The following SORCS1 variants were observed in gnomAD, a reference collection of about 807,000 sequenced individuals.
The protein encoded by SORCS1 is sortilin related VPS10 domain containing receptor 1.
SORCS1 carries 60 observed loss-of-function variants against 146.1 expected under a neutral mutation model. The ratio of observed to expected loss-of-function variants is 0.41; its 90% CI spans 0.33 to 0.51. SORCS1 has a LOEUF of 0.51. Ranked by LOEUF, SORCS1 falls within the 20% of genes least tolerant of loss-of-function variation. SORCS1 has a pLI of 0.21. For synonymous variants in SORCS1, 637 were observed against 584.0 expected (o/e 1.09, Z -1.31); for missense variants, 1,352 against 1,487.6 (o/e 0.91, Z 1.50).
intron 2 of SORCS1, among the ~76,000 whole-genome samples, chr10:106,924,461 TTATCGATC>T (rs201926445): frequency 0.099 from 12,427 of 125,616 alleles, 563 homozygotes; most frequent in East Asian, 0.16. Flanking sequence ...AATTCCACAG[TTATCGATC>T]TATCTATCTA....
chr10:106,790,859 T>C (rs899599219), intron 3 of SORCS1, among the ~76,000 whole-genome samples: 6 of 152,224 alleles, frequency 3.9e-5, no homozygotes, highest in Non-Finnish European at 8.8e-5. Flanking sequence ...TTAGTCATAT[T>C]ATTTGCTTTA....
chr10:106,842,163 C>G (rs991110397), intron 2 of SORCS1, among the ~76,000 whole-genome samples: 1 of 152,120 alleles, frequency 6.6e-6, no homozygotes, highest in African/African-American at 2.4e-5. Context: ...TTGTAATTCC[C>G]TAAAGACATA....
At chr10:106,971,017 T>A (rs1955759818) in intron 1 of SORCS1, among the ~76,000 whole-genome samples, 1 of 151,420 alleles carries the variant, frequency 6.6e-6, no homozygotes, top group Non-Finnish European at 1.5e-5. Flanking sequence ...TCCAAAGTGC[T>A]GGGATTACAG....
At chr10:107,083,145 T>C (rs1027295095) in intron 1 of SORCS1, among the ~76,000 whole-genome samples, 3 of 151,028 alleles carry the variant, frequency 2.0e-5, no homozygotes, top group Admixed American at 2.0e-4. Context: ...AGTCAACTGC[T>C]TGAATACAGT....
Position 106,677,386 on chromosome 10 carries a change from T to C in SORCS1, c.1759A>G (p.Ser587Gly), listed in dbSNP as rs1852110490. The change falls in exon 13 of 26, where the codon AGT becomes GGT. Residue 587 changes from serine (S) to glycine (G), a missense_variant. Ser to Gly is a moderately conservative substitution (Grantham distance 56, BLOSUM62 0). Around this residue, in one of 3 missense-constraint regions of SORCS1, gnomAD observed 648 missense variants for 793.8 expected, o/e 0.82. Transcript: ENST00000263054. ...TWRQIFEEEH[S>G]VLYLDQGGVL... Reference sequence around the variant, plus strand: ...CCACCTTGATCCAGGTACAAAACACTGTGCTCTTCTTCAAAGATCTGGATG... The same window carrying C: ...CCACCTTGATCCAGGTACAAAACACCGTGCTCTTCTTCAAAGATCTGGATG... 1 of 1,613,956 alleles carries C rather than the reference T, an allele frequency of 6.2e-7. No individual in the cohort carries two copies. The highest frequency in any genetic ancestry group is 8.5e-7 in the Non-Finnish European group (1 of 1,179,860).
intron 3 of SORCS1, among the ~76,000 whole-genome samples, chr10:106,812,437 T>C (rs571399557): frequency 6.6e-6 from 1 of 152,362 alleles, no homozygotes; most frequent in South Asian, 2.1e-4. Context: ...CTGTTCTATT[T>C]CTTCTTTAAA....
chr10:106,815,600 G>C (rs1308685235), intron 3 of SORCS1, among the ~76,000 whole-genome samples: 1 of 152,120 alleles, frequency 6.6e-6, no homozygotes, highest in Non-Finnish European at 1.5e-5. Context: ...GGTCTCCAGG[G>C]AGCCAGATGG....
chr10:107,006,381 A>C (rs1231794171), intron 1 of SORCS1, among the ~76,000 whole-genome samples: 2 of 152,224 alleles, frequency 1.3e-5, no homozygotes, highest in Non-Finnish European at 2.9e-5. Context: ...CAACAAGAGA[A>C]TAAATAGATG....
chr10:106,936,727 T>G (rs2138668695), intron 2 of SORCS1, among the ~76,000 whole-genome samples: 1 of 152,334 alleles, frequency 6.6e-6, no homozygotes, highest in South Asian at 2.1e-4. Context: ...TGAGAAAAGT[T>G]GTATCTTCAT....
intron 2 of SORCS1, among the ~76,000 whole-genome samples, chr10:106,950,634 A>G (rs1288813620): frequency 1.3e-5 from 2 of 151,924 alleles, no homozygotes; most frequent in African/African-American, 4.8e-5. Context: ...CAATACATAT[A>G]TAGATATTAT....
At position 106,889,880 on chromosome 10, in the gene SORCS1, G is replaced by C. The variant is rs1370081248; in HGVS notation, c.627-60207C>G. Among the ~76,000 whole-genome samples the C allele has an allele frequency of 5.7e-5, 6 of 105,098 alleles. No individual in the cohort carries two copies. In the Admixed American group the frequency reaches 5.9e-4, roughly 10 times the overall value. The allele number at this position is 105,098 out of a possible 152,430, so 68.9% of individuals were successfully genotyped here. ...AGCCTGGGTGACAGAGTGAGACTAC[G>C]TCTCAAATAAAAAAAAAAAAAAAAA... On this transcript the variant is annotated intron_variant, in intron 2 of 25. Transcript: ENST00000263054.
chr10:107,043,465 C>T (rs774651289), intron 1 of SORCS1, among the ~76,000 whole-genome samples: 5 of 152,180 alleles, frequency 3.3e-5, no homozygotes, highest in African/African-American at 4.8e-5. Flanking sequence ...CAGGCAATAA[C>T]TGCATTGAGT....
At chr10:107,162,150 T>C (rs904272840) in intron 1 of SORCS1, among the ~76,000 whole-genome samples, 1 of 152,222 alleles carries the variant, frequency 6.6e-6, no homozygotes, top group Non-Finnish European at 1.5e-5. Flanking sequence ...CAAAGATGTA[T>C]TCTACTTTTC....
At chr10:106,839,901 G>A (rs1948949663) in intron 2 of SORCS1, among the ~76,000 whole-genome samples, 1 of 152,116 alleles carries the variant, frequency 6.6e-6, no homozygotes, top group Admixed American at 6.5e-5. Flanking sequence ...TTACAGCATG[G>A]CTTATTGGAT....
chr10:106,771,828 C>A (rs1860041223), intron 4 of SORCS1, among the ~76,000 whole-genome samples: 1 of 152,170 alleles, frequency 6.6e-6, no homozygotes, highest in Admixed American at 6.5e-5. Context: ...GAGGCCAAGT[C>A]CAGCTCCTAT....
chr10:107,020,327 G>C (rs1157203695), intron 1 of SORCS1, among the ~76,000 whole-genome samples: 4 of 152,206 alleles, frequency 2.6e-5, no homozygotes, highest in African/African-American at 9.6e-5. Flanking sequence ...GAGTAGGCCT[G>C]TAGAATTCTG....
intron 2 of SORCS1, among the ~76,000 whole-genome samples, chr10:106,951,306 T>C (rs1954667897): frequency 6.6e-6 from 1 of 151,956 alleles, no homozygotes; most frequent in Non-Finnish European, 1.5e-5. Flanking sequence ...GGTCAGGAGA[T>C]CGAGACCATC....
Position 106,675,110 on chromosome 10 carries a change from A to G in SORCS1, c.1879T>C (p.Ser627Pro). Reference sequence around the variant, plus strand: ...ACCCCATCCACAAAAAGTGGAATAGATGTGAAACTGTATTTGCTCCAAGAT... The same window carrying G: ...ACCCCATCCACAAAAAGTGGAATAGGTGTGAAACTGTATTTGCTCCAAGAT... ...GRSWSKYSFTSIPLFVDGVLG... is the reference protein window; with the variant it reads ...GRSWSKYSFTPIPLFVDGVLG... The change falls in exon 14 of 26, where the codon TCT becomes CCT. Residue 627 changes from serine to proline, a missense_variant. Ser to Pro is a moderately conservative substitution (Grantham distance 74, BLOSUM62 -1). This residue lies in a region of SORCS1 where 648 missense variants were observed against 793.8 expected (regional missense o/e 0.82). Coordinates refer to ENST00000263054, the MANE Select transcript of SORCS1 (RefSeq NM_052918.5). The G allele has an allele frequency of 1.2e-6, 2 of 1,614,008 alleles. No homozygotes were observed. Among genetic ancestry groups the G allele is most frequent in the South Asian group, 2.2e-5 (2 of 91,070 alleles).
rs1038961092 is a variant in SORCS1, at chr10:106,878,598, T to A, written c.627-48925A>T. Among the ~76,000 whole-genome samples, 8 of 121,244 alleles carry A rather than the reference T, an allele frequency of 6.6e-5. 1 individual carries two copies. Among genetic ancestry groups the A allele is most frequent in the African/African-American group, 2.3e-4 (7 of 30,124 alleles). 79.5% of individuals were successfully genotyped at this position (121,244 alleles called of 152,430 possible). A position where few individuals can be genotyped will look rare whatever the true frequency, so the allele number is the denominator to read the frequency against. ...CCAGCCTCCAAAACTGAGAAAAAAA[T>A]TTGTTTTTTATAAACTACCTAGTAT... is the stretch of plus-strand genomic sequence containing the variant. On this transcript the variant is annotated intron_variant, in intron 2 of 25. Transcript: ENST00000263054.
Sources: allele counts gnomAD v4.1 joint callset (sites outside exome capture counted in the v4.1 genomes callset), GRCh38; gene constraint gnomAD v4.1.1; regional missense constraint gnomAD v4.1.1; transcripts MANE v1.5; gene names NCBI Gene and HGNC (gene_info 2026-07-23, HGNC 2026-07-21).